The following DTNA variants were observed in gnomAD, a reference collection of about 807,000 sequenced individuals.
DTNA encodes dystrophin-related protein 3.
DTNA carries 43 observed loss-of-function variants against 100.7 expected under a neutral mutation model. That is an observed-to-expected ratio of 0.43 (90% confidence interval 0.33 to 0.55). DTNA has a LOEUF of 0.55. Ranked by LOEUF, DTNA falls within the 20% of genes least tolerant of loss-of-function variation. The pLI is 0.04. For synonymous variants in DTNA, 349 were observed against 347.9 expected (o/e 1.00, Z -0.04); for missense variants, 798 against 953.9 (o/e 0.84, Z 2.15).
At chr18:34,634,708 T>C (rs1026741717) in intron 1 of DTNA, among the ~76,000 whole-genome samples, 4 of 152,202 alleles carry the variant, frequency 2.6e-5, no homozygotes, top group African/African-American at 9.6e-5. Context: ...AAAAAAAATT[T>C]AATTAACAAA....
chr18:34,498,445 A>C (rs774498398), intron 1 of DTNA, among the ~76,000 whole-genome samples: 3 of 57,184 alleles, frequency 5.2e-5, no homozygotes, highest in Non-Finnish European at 1.0e-4. Flanking sequence ...AAAATAATAT[A>C]ATAATAATAA....
intron 1 of DTNA, among the ~76,000 whole-genome samples, chr18:34,683,151 A>C (rs1218088860): frequency 6.6e-6 from 1 of 152,144 alleles, no homozygotes; most frequent in African/African-American, 2.4e-5. Context: ...TTTCACCTGC[A>C]GTTGAGAGAT....
intron 1 of DTNA, among the ~76,000 whole-genome samples, chr18:34,654,105 G>A (rs1300535146): frequency 7.2e-5 from 11 of 152,172 alleles, no homozygotes. Flanking sequence ...GGACTTGGGT[G>A]GTCTCAGTAA....
At chr18:34,647,653 T>G (rs1043935610) in intron 1 of DTNA, among the ~76,000 whole-genome samples, 7 of 152,204 alleles carry the variant, frequency 4.6e-5, no homozygotes, top group African/African-American at 1.7e-4. Flanking sequence ...TAGGGCTACC[T>G]CTGTCACTAA....
intron 1 of DTNA, among the ~76,000 whole-genome samples, chr18:34,572,573 G>A (rs897169074): frequency 3.3e-5 from 5 of 152,102 alleles, no homozygotes; most frequent in African/African-American, 1.2e-4. Flanking sequence ...AGGGCTTCTA[G>A]CACCCCGTAC....
At chr18:34,604,872 C>T (rs926532094) in intron 1 of DTNA, among the ~76,000 whole-genome samples, 5 of 152,042 alleles carry the variant, frequency 3.3e-5, no homozygotes, top group East Asian at 1.9e-4. Context: ...TGTAGCTTCC[C>T]GAAATGCCAA....
chr18:34,664,972 T>A (rs1299885484), intron 1 of DTNA, among the ~76,000 whole-genome samples: 1 of 151,410 alleles, frequency 6.6e-6, no homozygotes, highest in East Asian at 1.9e-4. Context: ...CTATCTTCTA[T>A]CTTCTTCTTC....
chr18:34,651,103 A>G (rs1490103690), intron 1 of DTNA, among the ~76,000 whole-genome samples: 2 of 152,114 alleles, frequency 1.3e-5, no homozygotes, highest in Admixed American at 6.5e-5. Context: ...ATATTTTTGT[A>G]GTCTGTCTTT....
intron 1 of DTNA, among the ~76,000 whole-genome samples, chr18:34,735,229 C>G (rs111621492): frequency 2.6e-5 from 4 of 152,214 alleles, no homozygotes; most frequent in African/African-American, 9.6e-5. Context: ...CTCCTTTTCA[C>G]GTTTTTCTGC....
rs115819054 is a variant in DTNA, at chr18:34,878,942, T to C, written c.1994-609T>C. On this transcript the variant is annotated intron_variant, in intron 19 of 22. Transcript: ENST00000444659. ...ACTTCGCTTTCTTAAAGCCTCTCAA[T>C]TGAAAATTGTTGCTGCTAATTTAGA... Among the ~76,000 whole-genome samples the C allele has an allele frequency of 6.4e-3, 975 of 152,304 alleles. 9 individuals are homozygous for C. The highest frequency in any genetic ancestry group is 0.02 in the African/African-American group (831 of 41,566).
intron 1 of DTNA, among the ~76,000 whole-genome samples, chr18:34,621,872 TTAAC>T (rs1308812769): frequency 1.3e-5 from 2 of 152,176 alleles, no homozygotes; most frequent in African/African-American, 2.4e-5. Context: ...TGAGCCAAAT[TTAAC>T]TATTCCACAA....
chr18:34,532,307 C>CCA (rs1452506585), intron 1 of DTNA, among the ~76,000 whole-genome samples: 1 of 152,064 alleles, frequency 6.6e-6, no homozygotes, highest in Non-Finnish European at 1.5e-5. Flanking sequence ...GGGAAGAAGG[C>CCA]CACTCTAGGC....
chr18:34,818,736 T>C (rs1602605727), intron 8 of DTNA: 1 of 786,968 alleles, frequency 1.3e-6, no homozygotes, highest in East Asian at 7.4e-5. Flanking sequence ...TGGAGTTCTT[T>C]TAAGTGCGTG....
chr18:34,549,122 C>G (rs2045119694), intron 1 of DTNA, among the ~76,000 whole-genome samples: 1 of 152,060 alleles, frequency 6.6e-6, no homozygotes. Context: ...TTCCCTTTCT[C>G]TCTCTCTGCT....
intron 3 of DTNA, among the ~76,000 whole-genome samples, chr18:34,773,838 G>T (rs1259607292): frequency 6.6e-6 from 1 of 152,124 alleles, no homozygotes; most frequent in Admixed American, 6.5e-5. Flanking sequence ...ATTATGATAT[G>T]GGTTTAATTA....
intron 1 of DTNA, among the ~76,000 whole-genome samples, chr18:34,678,185 A>C (rs2077624380): frequency 6.6e-6 from 1 of 152,154 alleles, no homozygotes; most frequent in Non-Finnish European, 1.5e-5. Flanking sequence ...ACTACAAGTC[A>C]AGGCGGGGAC....
At chr18:34,836,065 G>A (rs1191506465) in intron 11 of DTNA, among the ~76,000 whole-genome samples, 1 of 152,192 alleles carries the variant, frequency 6.6e-6, no homozygotes, top group Non-Finnish European at 1.5e-5. Flanking sequence ...AAAGAATTGG[G>A]GGGATATTGG....
chr18:34,592,457 A>G (rs2146939220), intron 1 of DTNA, among the ~76,000 whole-genome samples: 1 of 131,992 alleles, frequency 7.6e-6, no homozygotes, highest in South Asian at 2.5e-4. Context: ...TTTTAGATAT[A>G]CACTTGTATA....
chr18:34,765,945 T>A lies in DTNA; in HGVS notation c.68-16T>A. Reference sequence around the variant, plus strand: ...CACACATGGCATACCTTATGTGTCCTTTTTCCCCGCACTAGGGGCTCAAGA... The same window carrying A: ...CACACATGGCATACCTTATGTGTCCATTTTCCCCGCACTAGGGGCTCAAGA... On this transcript the variant is annotated splice_polypyrimidine_tract_variant and intron_variant, in intron 2 of 22. Transcript: ENST00000444659. 6.2e-7 allele frequency: 1 copy of A among 1,610,574 alleles called. No homozygotes were observed. Among genetic ancestry groups the A allele is most frequent in the Non-Finnish European group, 8.5e-7 (1 of 1,177,558 alleles).
Sources: gnomAD v4.1 joint callset for allele counts (sites outside exome capture counted in the v4.1 genomes callset) on GRCh38, gnomAD v4.1.1 for gene constraint, MANE v1.5 for transcripts, NCBI Gene and HGNC (gene_info 2026-07-23, HGNC 2026-07-21) for gene names.